PRDM15: variants seen among roughly 807,000 people sequenced by gnomAD.
PRDM15 encodes the protein PR domain zinc finger protein 15.
Under a neutral mutation model 128.6 loss-of-function variants are expected in PRDM15, and 64 were observed. That is an observed-to-expected ratio of 0.50 (90% CI 0.41 to 0.61). The LOEUF is 0.61. PRDM15 is among the 20% of genes least tolerant of loss of function. The probability of loss-of-function intolerance (pLI) is 0.00; values close to 1 mark genes in which losing one functional copy is unlikely to be tolerated. For missense variants in PRDM15, 1,242 were observed against 1,569.1 expected, an observed-to-expected ratio of 0.79 and a Z score of 3.52; for synonymous variants, 615 against 621.8, an observed-to-expected ratio of 0.99 and a Z score of 0.16.
chr21:41,871,843 C>T (rs1199637959), intron 1 of PRDM15: 1 of 496,602 alleles, frequency 2.0e-6, no homozygotes, highest in African/African-American at 1.9e-5. Flanking sequence ...GGTGCTCTGA[C>T]CGGCCCTGCC....
At chr21:41,816,284 G>C (rs1213330236) in intron 18 of PRDM15, among the ~76,000 whole-genome samples, 1 of 152,234 alleles carries the variant, frequency 6.6e-6, no homozygotes, top group African/African-American at 2.4e-5. Context: ...TTAAGAAGCT[G>C]AAATACTCCA....
intron 1 of PRDM15, among the ~76,000 whole-genome samples, chr21:41,874,525 A>ATATATATTTTT: frequency 6.5e-4 from 62 of 95,802 alleles, no homozygotes; most frequent in Non-Finnish European, 8.0e-4. Context: ...ATATATATAT[A>ATATATATTTTT]TTTTTTTTTT....
In PRDM15 at chr21:41,859,133, T is replaced by C. The variant is rs1440512396; in HGVS notation, c.131+459A>G. 2 of 1,612,762 alleles carry C rather than the reference T, an allele frequency of 1.2e-6. No individual in the cohort carries two copies. The highest frequency in any genetic ancestry group is 1.7e-6 in the Non-Finnish European group (2 of 1,179,800). On this transcript the variant is annotated intron_variant, in intron 3 of 23. Coordinates refer to ENST00000398548, the MANE Select transcript of PRDM15 (RefSeq NM_001040424.3). The surrounding 1 kb of genome is among the most constrained non-coding windows in gnomAD (Gnocchi z 5.3). ...CCTCACCAGGCCTGCAGGGACTGCT[T>C]CTGGAAGCTGCTGTGGGTCAGCCCT...
rs755894771 is a variant in PRDM15, at chr21:41,810,306, C to T, written c.2500G>A (p.Val834Met). Reference protein sequence around the residue: ...HTVGKQWTCSVCDKKYVTEYM... With the variant: ...HTVGKQWTCSMCDKKYVTEYM... ...TCGGTCACGTACTTCTTGTCGCACA[C>T]GGAGCACGTCCACTGCTTGCCCACT... Residue 834 changes from valine (V) to methionine (M), a missense_variant, in exon 21 of 24, where the codon GTG becomes ATG. Physicochemically the swap from Val to Met is conservative, Grantham distance 21. Coordinates refer to ENST00000398548, the MANE Select transcript of PRDM15 (RefSeq NM_001040424.3). This position sits in a 1 kb window ranked among gnomAD's most constrained non-coding sequence, Gnocchi z 6.4. 1.4e-5 allele frequency: 23 copies of T among 1,613,342 alleles called. No individual in the cohort carries two copies. Among genetic ancestry groups the T allele is most frequent in the East Asian group, 6.7e-5 (3 of 44,864 alleles).
In PRDM15 at chr21:41,859,746, C is replaced by T. The variant is rs2063752878; in HGVS notation, c.38-61G>A. On this transcript the variant is annotated intron_variant, in intron 2 of 23. Transcript: ENST00000398548. This position sits in a 1 kb window ranked among gnomAD's most constrained non-coding sequence, Gnocchi z 5.3. The stretch of plus-strand genomic sequence containing the variant: ...GAGGGAGACACCTAAAGAACACAAA[C>T]CTGGGAAATGGGGACCCTGGCCCCA... The T allele has an allele frequency of 7.0e-7, 1 of 1,426,966 alleles. No homozygotes were observed. Among genetic ancestry groups the T allele is most frequent in the Admixed American group, 1.8e-5 (1 of 54,862 alleles). The allele number at this position is 1,426,966 out of a possible 1,614,324, so 88.4% of individuals were successfully genotyped here.
chr21:41,805,697 TACCGTCACCACCATCACCACCATAAGC>T (rs2061538362), intron 21 of PRDM15, among the ~76,000 whole-genome samples: 3 of 151,754 alleles, frequency 2.0e-5, no homozygotes, highest in Admixed American at 2.0e-4. Context: ...ACGCACTCTC[TACCGTCACCACCATCACCACCATAAGC>T]ACCACCACCA....
chr21:41,826,288 G>C lies in PRDM15; in HGVS notation c.1535-234C>G, dbSNP rs572129742. On this transcript the variant is annotated intron_variant, in intron 12 of 23. Coordinates refer to ENST00000398548, the MANE Select transcript of PRDM15 (RefSeq NM_001040424.3). ...GGAAGGGAGATGGCACAACGTATGT[G>C]GGATCTGCCGAGACAGTTCTCGCAT... is the stretch of plus-strand genomic sequence containing the variant. Among the ~76,000 whole-genome samples, 14 of 152,318 alleles carry C rather than the reference G, an allele frequency of 9.2e-5. No homozygotes were observed. In the South Asian group the frequency reaches 2.5e-3, roughly 27 times the overall value.
chr21:41,829,536 CAG>C (rs1189788210), intron 11 of PRDM15, among the ~76,000 whole-genome samples: 3 of 150,138 alleles, frequency 2.0e-5, no homozygotes, highest in African/African-American at 7.4e-5. Flanking sequence ...ACACACCACA[CAG>C]ATACACTCAA....
chr21:41,816,039 C>G (rs553356229), intron 18 of PRDM15, among the ~76,000 whole-genome samples: 1 of 152,340 alleles, frequency 6.6e-6, no homozygotes, highest in East Asian at 1.9e-4. Context: ...GGACTGACTG[C>G]AACATCAGGT....
chr21:41,842,109 A>G (rs1307799142), intron 6 of PRDM15, among the ~76,000 whole-genome samples: 1 of 152,268 alleles, frequency 6.6e-6, no homozygotes, highest in South Asian at 2.1e-4. Flanking sequence ...TAAAGTAAAT[A>G]TACAATAAAA....
intron 1 of PRDM15, chr21:41,861,475 G>T (rs758991437): frequency 4.4e-5 from 51 of 1,164,256 alleles, no homozygotes; most frequent in Non-Finnish European, 6.1e-5. Flanking sequence ...CATGCAGTTT[G>T]GGAGGAGCAT....
In PRDM15 at chr21:41,806,714, A is replaced by T. The variant is rs1446465279; in HGVS notation, c.2653-2100T>A. On this transcript the variant is annotated intron_variant, in intron 21 of 23. Transcript: ENST00000398548. ...CCACCACCACCCATCACTACCACCA[A>T]CATCACCACCATCACCATCACCATA... Among the ~76,000 whole-genome samples the T allele has an allele frequency of 8.9e-4, 34 of 38,126 alleles. 1 individual carries two copies. The highest frequency in any genetic ancestry group is 3.3e-3 in the African/African-American group (27 of 8,176). 25.0% of individuals were successfully genotyped at this position (38,126 alleles called of 152,430 possible).
At chr21:41,836,257 G>A (rs199943686) in intron 9 of PRDM15, 50 bp from the exon 10 acceptor site, 29 of 1,534,170 alleles carry the variant, frequency 1.9e-5, no homozygotes, top group East Asian at 1.8e-4. Context: ...AGCATTTACC[G>A]AGAGAAGCAT....
chr21:41,860,539 C>T (rs547550074), intron 1 of PRDM15, among the ~76,000 whole-genome samples, 167 bp from the exon 2 acceptor site: 2 of 152,344 alleles, frequency 1.3e-5, no homozygotes, highest in East Asian at 1.9e-4. Context: ...TCTCCTGCCT[C>T]AGCCTCCTGA....
At position 41,801,627 on chromosome 21, in the gene PRDM15, C is replaced by T. The variant is rs369361257; in HGVS notation, c.3039G>A (p.Ala1013=). 18 of 1,613,924 alleles carry T rather than the reference C, an allele frequency of 1.1e-5. No homozygotes were observed. Among genetic ancestry groups the T allele is most frequent in the African/African-American group, 2.7e-5 (2 of 74,894 alleles). ...ITVTPITTAA[A]TQFTNLQPVA... is the part of the protein sequence containing the mutation. ...CCGGCTGGAGATTGGTAAACTGAGT[C>T]GCGGCCGCAGTGGTGATGGGGGTCA... The change falls in exon 24 of 24, where the codon GCG becomes GCA. Residue 1013 remains alanine (A), a synonymous_variant. Coordinates refer to ENST00000398548, the MANE Select transcript of PRDM15 (RefSeq NM_001040424.3).
intron 21 of PRDM15, among the ~76,000 whole-genome samples, chr21:41,808,819 A>G (rs1015281906): frequency 2.6e-5 from 4 of 152,200 alleles, no homozygotes; most frequent in Admixed American, 6.5e-5. Context: ...AGGCAAACAC[A>G]CTGCTAAACT....
intron 5 of PRDM15, among the ~76,000 whole-genome samples, chr21:41,849,930 T>A (rs2063376478): frequency 6.6e-6 from 1 of 152,154 alleles, no homozygotes; most frequent in Non-Finnish European, 1.5e-5. Flanking sequence ...AGCAAGACTC[T>A]GTCTCAAAAA....
In PRDM15 at chr21:41,879,257, C is replaced by T; in HGVS notation, c.-10+13G>A. 7 of 981,000 alleles carry T rather than the reference C, an allele frequency of 7.1e-6. No individual in the cohort carries two copies. The highest frequency in any genetic ancestry group is 7.4e-6 in the Non-Finnish European group (6 of 812,584). The allele number at this position is 981,000 out of a possible 1,614,324, so 60.8% of individuals were successfully genotyped here. On this transcript the variant is annotated intron_variant, in intron 1 of 23. Transcript: ENST00000398548. This position sits in a 1 kb window ranked among gnomAD's most constrained non-coding sequence, Gnocchi z 5.1. The stretch of plus-strand genomic sequence containing the variant: ...GCCGGGGCGGGCGGCGGGCGCAGGG[C>T]CCGGAGCTTTACCTGCCTTTGGAAT...
chr21:41,810,649 C>T lies in PRDM15; in HGVS notation c.2476+104G>A, dbSNP rs1466800455. On this transcript the variant is annotated intron_variant, in intron 20 of 23. Transcript: ENST00000398548. This position sits in a 1 kb window ranked among gnomAD's most constrained non-coding sequence, Gnocchi z 6.4. ...CAAGACAACACTAAATGTGCTGGAACCGTCTAGATAATAGAATAGTCGTTT... is the reference window on the plus strand; with the variant it reads ...CAAGACAACACTAAATGTGCTGGAATCGTCTAGATAATAGAATAGTCGTTT... The T allele has an allele frequency of 3.3e-6, 3 of 922,566 alleles. No individual in the cohort carries two copies. The African/African-American group carries it at 4.9e-5, about 15-fold the overall frequency. The allele number at this position is 922,566 out of a possible 1,614,324, so 57.1% of individuals were successfully genotyped here.
Sources: allele counts gnomAD v4.1 joint callset (sites outside exome capture counted in the v4.1 genomes callset), GRCh38; gene constraint gnomAD v4.1.1; non-coding constraint Gnocchi (gnomAD v3.1); transcripts MANE v1.5; gene names NCBI Gene and HGNC (gene_info 2026-07-23, HGNC 2026-07-21).